Variants in MAPT observed in about 807,000 individuals in gnomAD.
MAPT encodes microtubule associated protein tau.
Under a neutral mutation model 67.9 loss-of-function variants are expected in MAPT, and 34 were observed. That is an observed-to-expected ratio of 0.50 (90% confidence interval 0.38 to 0.67). The LOEUF is 0.67. Ranked by LOEUF, MAPT falls within the 30% of genes least tolerant of loss-of-function variation. The pLI is 0.00. For missense variants in MAPT, 881 were observed against 1,115.2 expected, an observed-to-expected ratio of 0.79 and a Z score of 2.99; for synonymous variants, 456 against 464.5, an observed-to-expected ratio of 0.98 and a Z score of 0.23.
Position 46,010,729 on chromosome 17 carries a change from T to A in MAPT, c.2091+327T>A, listed in dbSNP as rs1344394898. On this transcript the variant is annotated intron_variant, in intron 10 of 12. Coordinates refer to ENST00000262410, the MANE Select transcript of MAPT (RefSeq NM_001377265.1). The surrounding 1 kb of genome is among the most constrained non-coding windows in gnomAD (Gnocchi z 4.7). Reference sequence around the variant, plus strand: ...GGGAAGCTGAGAATACCCATCAAAGTCTCCTTCCACTCATGCCCAGCCCTG... The same window carrying A: ...GGGAAGCTGAGAATACCCATCAAAGACTCCTTCCACTCATGCCCAGCCCTG... 2.0e-5 allele frequency among the ~76,000 whole-genome samples: 3 copies of A among 152,032 alleles called. No homozygotes were observed. The highest frequency in any genetic ancestry group is 4.4e-5 in the Non-Finnish European group (3 of 67,996).
intron 11 of MAPT, 132 bp from the exon 12 acceptor site, chr17:46,018,486 A>G (rs938522008): frequency 1.4e-4 from 113 of 786,990 alleles, no homozygotes; most frequent in Non-Finnish European, 2.3e-4. Flanking sequence ...GTGGCACCCA[A>G]TCTAATTTTT....
chr17:45,966,147 A>C lies in MAPT; in HGVS notation c.133+3677A>C, dbSNP rs1313516242. 5.3e-5 allele frequency among the ~76,000 whole-genome samples: 8 copies of C among 152,252 alleles called. No individual in the cohort carries two copies. In the East Asian group the frequency reaches 1.5e-3, roughly 29 times the overall value. Reference sequence around the variant, plus strand: ...GGGCAGCCTGGCTTAGAGTCAGTTTAAAATATGTATTATGCTGCAACAAAT... The same window carrying C: ...GGGCAGCCTGGCTTAGAGTCAGTTTCAAATATGTATTATGCTGCAACAAAT... On this transcript the variant is annotated intron_variant, in intron 2 of 12. Transcript: ENST00000262410.
chr17:45,989,169 C>T (rs550075924), intron 6 of MAPT, among the ~76,000 whole-genome samples: 1 of 152,194 alleles, frequency 6.6e-6, no homozygotes, highest in East Asian at 1.9e-4. Context: ...CTTCAGACCC[C>T]GTGACACACT....
chr17:45,907,269 C>G (rs549956912), intron 1 of MAPT, among the ~76,000 whole-genome samples: 1 of 152,228 alleles, frequency 6.6e-6, no homozygotes, highest in Non-Finnish European at 1.5e-5. Flanking sequence ...TGCCCCACCC[C>G]CTATTTAAAT....
rs2065122801 is a variant in MAPT at position 45,915,418 on chromosome 17, A to G, written c.-18+20732A>G. ...TGTGTGCATGAGCATGTGTGTGGGCATGTGATGTGTGTGTGGTGTGTAAGC... is the reference window on the plus strand; with the variant it reads ...TGTGTGCATGAGCATGTGTGTGGGCGTGTGATGTGTGTGTGGTGTGTAAGC... On this transcript the variant is annotated intron_variant, in intron 1 of 12. Transcript: ENST00000262410. The surrounding 1 kb of genome is among the most constrained non-coding windows in gnomAD (Gnocchi z 4.4). 7.1e-6 allele frequency among the ~76,000 whole-genome samples: 1 copy of G among 141,012 alleles called. No individual in the cohort carries two copies. 92.5% of individuals were successfully genotyped at this position (141,012 alleles called of 152,430 possible).
chr17:45,902,578 G>T (rs530643788), intron 1 of MAPT, among the ~76,000 whole-genome samples: 2 of 152,250 alleles, frequency 1.3e-5, no homozygotes, highest in African/African-American at 4.8e-5. Flanking sequence ...ACCTACTGGG[G>T]AAACTTATAA....
chr17:45,917,854 A>C (rs1012433119), intron 1 of MAPT, among the ~76,000 whole-genome samples: 1 of 151,346 alleles, frequency 6.6e-6, no homozygotes, highest in Admixed American at 6.6e-5. Flanking sequence ...GTTCACTGCA[A>C]CCTCCGCCTC....
intron 1 of MAPT, among the ~76,000 whole-genome samples, chr17:45,934,383 A>G (rs17564948): frequency 0.14 from 21,823 of 152,258 alleles, 2,134 homozygotes; most frequent in Middle Eastern, 0.22. Flanking sequence ...ATTAGCAGTC[A>G]TTAGGATATT....
In MAPT at chr17:46,025,960, C is replaced by G. The variant is rs1277551977; in HGVS notation, c.*1789C>G. 1 of 152,260 alleles carries G rather than the reference C, an allele frequency of 6.6e-6. No individual in the cohort carries two copies. Among genetic ancestry groups the G allele is most frequent in the Non-Finnish European group, 1.5e-5 (1 of 68,096 alleles). 9.4% of individuals were successfully genotyped at this position (152,260 alleles called of 1,614,324 possible). A position where few individuals can be genotyped will look rare whatever the true frequency, so the allele number is the denominator to read the frequency against. ...CAGTCCCAGCTGGAAGCCATGCTGT[C>G]TGTTCTGCTGGAGCAGCTGAACATA... On this transcript the variant is annotated 3_prime_UTR_variant, in exon 13 of 13. Transcript: ENST00000262410.
At position 45,990,057 on chromosome 17, in the gene MAPT, A is replaced by C. The variant is rs1002982526; in HGVS notation, c.1587A>C (p.Ala529=). The C allele has an allele frequency of 2.5e-6, 4 of 1,614,090 alleles. No homozygotes were observed. In the Admixed American group the frequency reaches 5.0e-5, roughly 20 times the overall value. Residue 529 remains alanine, a synonymous_variant, in exon 7 of 13, where the codon GCA becomes GCC. Coordinates refer to ENST00000262410, the MANE Select transcript of MAPT (RefSeq NM_001377265.1). ...CTTCCCGAACTGGCAGTTCTGGAGC[A>C]AAGGAGATGAAACTCAAGGTAAGGA... The part of the protein sequence containing the change: ...SVTSRTGSSG[A]KEMKLKGADG...
chr17:45,951,187 G>C (rs1213985369), intron 1 of MAPT, among the ~76,000 whole-genome samples: 1 of 152,188 alleles, frequency 6.6e-6, no homozygotes, highest in Non-Finnish European at 1.5e-5. Context: ...TAGATGAGCA[G>C]CTGGGGACTG....
intron 1 of MAPT, among the ~76,000 whole-genome samples, chr17:45,928,147 T>A (rs1252071970): frequency 6.6e-6 from 1 of 152,014 alleles, no homozygotes; most frequent in Non-Finnish European, 1.5e-5. Flanking sequence ...CAAGGACAGG[T>A]TTATGCTGCA....
At chr17:45,949,801 A>G (rs1598107396) in intron 1 of MAPT, among the ~76,000 whole-genome samples, 1 of 152,166 alleles carries the variant, frequency 6.6e-6, no homozygotes, top group East Asian at 1.9e-4. Flanking sequence ...TGAGTAAGAA[A>G]GTTAGAAGGA....
At position 45,902,239 on chromosome 17, in the gene MAPT, T is replaced by C. The variant is rs556008439; in HGVS notation, c.-18+7553T>C. The stretch of plus-strand genomic sequence containing the variant: ...GGTACACACCATAATGCTCGGCTGA[T>C]TTTTGTATTTTTGTAGGGATGGGGT... On this transcript the variant is annotated intron_variant, in intron 1 of 12. Coordinates refer to ENST00000262410, the MANE Select transcript of MAPT (RefSeq NM_001377265.1). Among the ~76,000 whole-genome samples, 217 of 152,232 alleles carry C rather than the reference T, an allele frequency of 1.4e-3. 3 individuals are homozygous for C. The highest frequency in any genetic ancestry group is 5.0e-3 in the African/African-American group (208 of 41,550).
chr17:45,924,809 C>T (rs576578912), intron 1 of MAPT, among the ~76,000 whole-genome samples: 122 of 152,326 alleles, frequency 8.0e-4, no homozygotes, highest in African/African-American at 1.5e-3. Flanking sequence ...CAGCAAGAGG[C>T]GCAGTTGCTT....
intron 12 of MAPT, among the ~76,000 whole-genome samples, chr17:46,022,353 CAAA>C (rs56222318): frequency 0.2 from 18,293 of 89,482 alleles, 1,432 homozygotes; most frequent in Non-Finnish European, 0.29. Flanking sequence ...ATCTTTGTCT[CAAA>C]AAAAAAAAAA....
At position 46,027,956 on chromosome 17, in the gene MAPT, G is replaced by C. The variant is rs1464252778; in HGVS notation, c.*3785G>C. ...CACTCGCTTCACCCTCCTCATCTTTGTTCTCCAAGTAAAGCCACGAGGTCG... is the reference window on the plus strand; with the variant it reads ...CACTCGCTTCACCCTCCTCATCTTTCTTCTCCAAGTAAAGCCACGAGGTCG... On this transcript the variant is annotated 3_prime_UTR_variant, in exon 13 of 13. Transcript: ENST00000262410. 6.5e-6 allele frequency: 1 copy of C among 153,222 alleles called. No homozygotes were observed. Among genetic ancestry groups the C allele is most frequent in the Non-Finnish European group, 1.5e-5 (1 of 68,720 alleles). The allele number at this position is 153,222 out of a possible 1,614,324, so 9.5% of individuals were successfully genotyped here.
intron 1 of MAPT, among the ~76,000 whole-genome samples, chr17:45,958,529 T>C (rs1209762087): frequency 6.6e-6 from 1 of 152,002 alleles, no homozygotes; most frequent in East Asian, 1.9e-4. Flanking sequence ...AACACCAGCC[T>C]GAGCAACATG....
chr17:45,967,175 A>G (rs865842151), intron 2 of MAPT, among the ~76,000 whole-genome samples: 21 of 152,354 alleles, frequency 1.4e-4, no homozygotes, highest in Middle Eastern at 3.4e-3. Context: ...AGTAGATGAA[A>G]GTTGGTTACC....
Sources: allele counts gnomAD v4.1 joint callset (sites outside exome capture counted in the v4.1 genomes callset), GRCh38; gene constraint gnomAD v4.1.1; non-coding constraint Gnocchi (gnomAD v3.1); transcripts MANE v1.5; gene names NCBI Gene and HGNC (gene_info 2026-07-23, HGNC 2026-07-21).